Variants in SV2C observed in about 807,000 individuals in gnomAD.
The protein encoded by SV2C is solute carrier family 22 member B3.
Under a neutral mutation model 79.7 loss-of-function variants are expected in SV2C, and 49 were observed. The ratio of observed to expected loss-of-function variants is 0.61; its 90% confidence interval spans 0.49 to 0.78. The LOEUF (loss-of-function observed/expected upper bound fraction) is 0.78. SV2C is among the 30% of genes least tolerant of loss of function. The probability of loss-of-function intolerance (pLI) is 0.00; values close to 1 mark genes in which losing one functional copy is unlikely to be tolerated. For synonymous variants in SV2C, 334 were observed against 333.2 expected (o/e 1.00, Z -0.03); for missense variants, 833 against 912.9 (o/e 0.91, Z 1.13).
chr5:76,054,299 C>T, the SV2C span, among the ~76,000 whole-genome samples: 2 of 152,158 alleles, frequency 1.3e-5, no homozygotes, highest in South Asian at 4.1e-4. Flanking sequence ...AAGCTTCATC[C>T]ATGTCCCTGC....
the SV2C span, among the ~76,000 whole-genome samples, chr5:76,028,381 A>G: frequency 6.6e-6 from 1 of 152,222 alleles, no homozygotes; most frequent in African/African-American, 2.4e-5. Context: ...ATGGTAAATT[A>G]TTCATTAAAC....
chr5:76,185,856 T>C (rs990556300), intron 2 of SV2C, among the ~76,000 whole-genome samples: 2 of 152,240 alleles, frequency 1.3e-5, no homozygotes, highest in Non-Finnish European at 2.9e-5. Flanking sequence ...TATGCAAATT[T>C]CTGCACCAGG....
chr5:75,920,697 G>C, the SV2C span: 2 of 741,336 alleles, frequency 2.7e-6, no homozygotes, highest in Non-Finnish European at 2.5e-6. Flanking sequence ...TCTGTTGAGG[G>C]CACTGCCGGT....
intron 3 of SV2C, among the ~76,000 whole-genome samples, chr5:76,202,244 G>A (rs1744472924): frequency 6.6e-6 from 1 of 152,046 alleles, no homozygotes; most frequent in South Asian, 2.1e-4. Flanking sequence ...CCTCTATAGT[G>A]CTTGCCGCGT....
intron 10 of SV2C, among the ~76,000 whole-genome samples, 176 bp from the exon 11 acceptor site, chr5:76,300,553 C>T (rs1446231387): frequency 3.3e-5 from 5 of 151,952 alleles, no homozygotes; most frequent in Non-Finnish European, 7.4e-5. Context: ...GATGTGAAGA[C>T]CCAGACTAGA....
At chr5:75,949,661 AT>A in the SV2C span, among the ~76,000 whole-genome samples, 418 of 151,772 alleles carry the variant, frequency 2.8e-3, 2 homozygotes, top group African/African-American at 9.3e-3. Context: ...CTTGGCTCTC[AT>A]TTTTTCTTGT....
chr5:76,314,707 T>C lies in SV2C; in HGVS notation c.2001-10657T>C, dbSNP rs1436620718. 2.0e-5 allele frequency among the ~76,000 whole-genome samples: 3 copies of C among 152,158 alleles called. No individual in the cohort carries two copies. In the East Asian group the frequency reaches 5.8e-4, roughly 29 times the overall value. The stretch of plus-strand genomic sequence containing the variant: ...TGCGGCACAGAGAGGGGAAGTAACT[T>C]GTCCTGGATCACTTAGCCTTAAACC... On this transcript the variant is annotated intron_variant, in intron 12 of 12. Coordinates refer to ENST00000502798, the MANE Select transcript of SV2C (RefSeq NM_014979.4).
At chr5:76,036,036 A>T in the SV2C span, among the ~76,000 whole-genome samples, 1 of 151,922 alleles carries the variant, frequency 6.6e-6, no homozygotes, top group African/African-American at 2.4e-5. Flanking sequence ...GTTGGTTTAA[A>T]GTCTGTTTTA....
At chr5:75,982,214 A>AAGACTT in the SV2C span, among the ~76,000 whole-genome samples, 3 of 100,906 alleles carry the variant, frequency 3.0e-5, no homozygotes, top group Non-Finnish European at 6.6e-5. Flanking sequence ...CATGTACCCT[A>AAGACTT]AAACTTAATT....
At chr5:75,859,004 G>T in the SV2C span, among the ~76,000 whole-genome samples, 1 of 150,720 alleles carries the variant, frequency 6.6e-6, no homozygotes, top group African/African-American at 2.4e-5. Context: ...CTGGCTAAAG[G>T]TTTGTCAATT....
chr5:76,032,228 T>C, the SV2C span, among the ~76,000 whole-genome samples: 4 of 143,938 alleles, frequency 2.8e-5, no homozygotes, highest in East Asian at 1.9e-4. Flanking sequence ...ATCTTCTTTT[T>C]TTTTTCCTGT....
chr5:76,336,517 G>A (rs937858399), downstream of SV2C, among the ~76,000 whole-genome samples: 5 of 152,066 alleles, frequency 3.3e-5, no homozygotes, highest in East Asian at 5.8e-4. Flanking sequence ...CTGCAATCTC[G>A]GCACCCCGGG....
At chr5:76,050,466 G>A in the SV2C span, among the ~76,000 whole-genome samples, 1 of 152,156 alleles carries the variant, frequency 6.6e-6, no homozygotes, top group East Asian at 1.9e-4. Context: ...TGAGCCCCAG[G>A]TAACAACAAG....
At chr5:76,165,853 G>A (rs952450266) in intron 2 of SV2C, among the ~76,000 whole-genome samples, 2 of 152,184 alleles carry the variant, frequency 1.3e-5, no homozygotes, top group African/African-American at 4.8e-5. Flanking sequence ...AGAGGCAGCA[G>A]TACAGAGCAG....
downstream of SV2C, among the ~76,000 whole-genome samples, chr5:76,334,576 T>G (rs1749275311): frequency 6.6e-6 from 1 of 152,242 alleles, no homozygotes; most frequent in African/African-American, 2.4e-5. Flanking sequence ...CTCATCATAC[T>G]GGCTTTTGTC....
chr5:75,872,739 C>A, the SV2C span, among the ~76,000 whole-genome samples: 1 of 151,604 alleles, frequency 6.6e-6, no homozygotes, highest in Non-Finnish European at 1.5e-5. Context: ...TGAATATAAA[C>A]GTGAATATTT....
At chr5:76,101,464 G>T (rs1459348606) in intron 1 of SV2C, among the ~76,000 whole-genome samples, 1 of 152,010 alleles carries the variant, frequency 6.6e-6, no homozygotes, top group Admixed American at 6.6e-5. Flanking sequence ...CATGTCTCTT[G>T]AGTGCTAGGC....
intron 7 of SV2C, 55 bp from the exon 8 acceptor site, chr5:76,291,713 G>C: frequency 8.0e-7 from 1 of 1,243,652 alleles, no homozygotes; most frequent in Non-Finnish European, 1.2e-6. Context: ...AGGGGTCGGG[G>C]AGTGGGGTTG....
At chr5:76,264,722 C>T (rs564740553) in intron 4 of SV2C, among the ~76,000 whole-genome samples, 2 of 152,280 alleles carry the variant, frequency 1.3e-5, no homozygotes, top group East Asian at 3.9e-4. Flanking sequence ...AGTTTGATGG[C>T]GGTCGGCTCC....
Sources: gnomAD v4.1 joint callset for allele counts (sites outside exome capture counted in the v4.1 genomes callset) on GRCh38, gnomAD v4.1.1 for gene constraint, MANE v1.5 for transcripts, NCBI Gene and HGNC (gene_info 2026-07-23, HGNC 2026-07-21) for gene names.